CFAP74: variants seen among roughly 807,000 people sequenced by gnomAD.
CFAP74 encodes the protein cilia and flagella associated protein 74, also known as cilia- and flagella-associated protein 74.
In CFAP74, 124 loss-of-function variants were observed where a neutral mutation model predicts 188.9. The ratio of observed to expected loss-of-function variants is 0.66; its 90% CI spans 0.57 to 0.76. The LOEUF (loss-of-function observed/expected upper bound fraction) is 0.76. Among genes scored for constraint, CFAP74 ranks in the 30% least tolerant of loss-of-function variants. CFAP74 has a pLI of 0.00. For synonymous variants in CFAP74, 956 were observed against 916.7 expected (o/e 1.04, Z -0.77); for missense variants, 2,198 against 2,165.2 (o/e 1.02, Z -0.30).
Position 1,966,613 on chromosome 1 carries a change from C to T in CFAP74, c.1246-87G>A, listed in dbSNP as rs1377887395. 3.2e-6 allele frequency: 4 copies of T among 1,256,634 alleles called. No individual in the cohort carries two copies. In the African/African-American group the frequency reaches 4.6e-5, roughly 14 times the overall value. 77.8% of individuals were successfully genotyped at this position (1,256,634 alleles called of 1,614,324 possible). ...CTCGGCCCAGCCCCCGCCGGTATGG[C>T]CCGCTGCCTGCCCCCGTTCTTCTGC... On this transcript the variant is annotated intron_variant, in intron 11 of 38. Coordinates refer to ENST00000682832, the MANE Select transcript of CFAP74 (RefSeq NM_001304360.2).
rs371162803 is a variant in CFAP74 at position 1,924,478 on chromosome 1, G to T, written c.4147C>A (p.Leu1383Met). ...SLLPIKFSMHLDSLSSTRGRG... is the reference protein window; with the variant it reads ...SLLPIKFSMHMDSLSSTRGRG... ...CCCCGGGTGCTGGAGAGGCTGTCCAGGTGCATGGAGAACTTGATGGGGAGC... is the reference window on the plus strand; with the variant it reads ...CCCCGGGTGCTGGAGAGGCTGTCCATGTGCATGGAGAACTTGATGGGGAGC... Residue 1383 changes from leucine (L) to methionine (M), a missense_variant, in exon 34 of 39, where the codon CTG becomes ATG. Physicochemically the swap from Leu to Met is conservative, Grantham distance 15 (BLOSUM62 2). Coordinates refer to ENST00000682832, the MANE Select transcript of CFAP74 (RefSeq NM_001304360.2). 24 of 1,601,464 alleles carry T rather than the reference G, an allele frequency of 1.5e-5. No homozygotes were observed. The African/African-American group carries it at 2.9e-4, about 19-fold the overall frequency.
At chr1:1,930,855 G>A (rs548917636) in intron 25 of CFAP74, among the ~76,000 whole-genome samples, 2 of 152,262 alleles carry the variant, frequency 1.3e-5, no homozygotes, top group African/African-American at 4.8e-5. Flanking sequence ...AGGTGTCTAC[G>A]AGGCCTATTA....
chr1:1,974,265 T>C (rs372074643), intron 6 of CFAP74, 67 bp from the exon 7 acceptor site: 29 of 1,478,152 alleles, frequency 2.0e-5, no homozygotes, highest in African/African-American at 1.3e-4. Context: ...GGTTTCGGCA[T>C]TGAGTTCTGA....
chr1:1,966,597 G>A (rs1655492510), intron 11 of CFAP74, 71 bp from the exon 12 acceptor site: 5 of 1,345,442 alleles, frequency 3.7e-6, no homozygotes, highest in Non-Finnish European at 4.8e-6. Flanking sequence ...ACTCGGCCCA[G>A]CCCCCGCCGG....
intron 23 of CFAP74, 131 bp from the exon 24 acceptor site, chr1:1,939,898 G>A (rs16824543): frequency 0.084 from 75,997 of 900,940 alleles, 7,383 homozygotes; most frequent in African/African-American, 0.34. Context: ...CGACGAGGCC[G>A]TCTCTTCATA....
Position 1,963,797 on chromosome 1 carries a change from C to T in CFAP74, c.1646G>A (p.Cys549Tyr), listed in dbSNP as rs1655267595. ...GTGCTCCTCCACGCCCACCAGCTTG[C>T]AGTAGTTGATCGTGTAGGTGGTGTT... Reference protein sequence around the residue: ...LVNTTYTINYCKLVGVEEHLR... With the variant: ...LVNTTYTINYYKLVGVEEHLR... The change falls in exon 14 of 39, where the codon TGC becomes TAC. Residue 549 changes from cysteine to tyrosine, a missense_variant. Physicochemically the swap from Cys to Tyr is radical, Grantham distance 194. Transcript: ENST00000682832. 3 of 1,613,894 alleles carry T rather than the reference C, an allele frequency of 1.9e-6. No homozygotes were observed. In the African/African-American group the frequency reaches 4.0e-5, roughly 22 times the overall value.
intron 28 of CFAP74, 155 bp downstream of exon 28, chr1:1,927,452 A>C: frequency 1.4e-6 from 1 of 731,390 alleles, no homozygotes; most frequent in South Asian, 1.9e-5. Context: ...CCAGGAAGGC[A>C]GCACCTGGAT....
At chr1:1,944,225 C>T in intron 21 of CFAP74, 106 bp downstream of exon 21, 1 of 1,470,512 alleles carries the variant, frequency 6.8e-7, no homozygotes, top group East Asian at 2.5e-5. Flanking sequence ...GCGTGGGTCA[C>T]CCCGTGTGCG....
In CFAP74 at chr1:1,975,529, G is replaced by A. The variant is rs542639152; in HGVS notation, c.501-1331C>T. 2.6e-5 allele frequency among the ~76,000 whole-genome samples: 4 copies of A among 152,184 alleles called. No individual in the cohort carries two copies. Among genetic ancestry groups the A allele is most frequent in the South Asian group, 2.1e-4 (1 of 4,824 alleles). On this transcript the variant is annotated intron_variant, in intron 6 of 38. Transcript: ENST00000682832. The surrounding 1 kb of genome is among the most constrained non-coding windows in gnomAD (Gnocchi z 4.5). The stretch of plus-strand genomic sequence containing the variant: ...CGTACGCCCACTTGGTTTTGGCATC[G>A]AGGTTGTGTCACTGCATTTTAGAAA...
chr1:1,922,962 C>A (rs754090227), intron 37 of CFAP74, 23 bp downstream of exon 37: 5 of 1,556,052 alleles, frequency 3.2e-6, no homozygotes, highest in Non-Finnish European at 3.5e-6. Flanking sequence ...GCCTGGTGTC[C>A]CCAGGGGCAG....
chr1:1,976,517 A>C (rs1656454179), intron 6 of CFAP74, among the ~76,000 whole-genome samples: 1 of 151,632 alleles, frequency 6.6e-6, no homozygotes, highest in South Asian at 2.1e-4. Flanking sequence ...AGCCTGCAGA[A>C]CCCTGACCAA....
intron 9 of CFAP74, among the ~76,000 whole-genome samples, chr1:1,971,422 C>G (rs377209749): frequency 6.6e-6 from 1 of 151,894 alleles, no homozygotes; most frequent in African/African-American, 2.4e-5. Flanking sequence ...CACATGCACA[C>G]ACACATGCAA....
At chr1:1,946,653 C>G (rs1254262093) in intron 19 of CFAP74, among the ~76,000 whole-genome samples, 1 of 152,206 alleles carries the variant, frequency 6.6e-6, no homozygotes, top group African/African-American at 2.4e-5. Flanking sequence ...GCAGCCTGAA[C>G]TCCTCCACAT....
At chr1:1,955,104 C>T (rs574587929) in intron 18 of CFAP74, 12 of 1,084,678 alleles carry the variant, frequency 1.1e-5, no homozygotes, top group Admixed American at 8.6e-5. Context: ...TGTGGAGAAC[C>T]GGCCCAGCTC....
intron 11 of CFAP74, among the ~76,000 whole-genome samples, chr1:1,967,794 C>A (rs898740453): frequency 6.6e-6 from 1 of 152,198 alleles, no homozygotes; most frequent in Non-Finnish European, 1.5e-5. Flanking sequence ...CTACCCCACA[C>A]CTTTAGGGAA....
At chr1:1,984,180 G>C (rs1019558029) in intron 6 of CFAP74, 1 of 152,048 alleles carries the variant, frequency 6.6e-6, no homozygotes, top group Middle Eastern at 3.4e-3. Flanking sequence ...TTTTAGTAGA[G>C]ACAGGGTTTC....
At chr1:2,002,312 CTT>C (rs1491199886) in intron 1 of CFAP74, among the ~76,000 whole-genome samples, 10 of 151,422 alleles carry the variant, frequency 6.6e-5, no homozygotes, top group African/African-American at 1.2e-4. Context: ...TATTATTAAA[CTT>C]ATATAAACCT....
At chr1:1,930,496 C>T (rs577256015) in intron 25 of CFAP74, among the ~76,000 whole-genome samples, 160 bp from the exon 26 acceptor site, 4 of 152,324 alleles carry the variant, frequency 2.6e-5, no homozygotes, top group Non-Finnish European at 4.4e-5. Flanking sequence ...TGACAAGTTT[C>T]GAAAATACAG....
intron 25 of CFAP74, among the ~76,000 whole-genome samples, chr1:1,933,032 C>T (rs553115077): frequency 6.7e-6 from 1 of 149,910 alleles, no homozygotes; most frequent in East Asian, 2.0e-4. Context: ...ACTATAGGCG[C>T]CCGCCACCAT....
Sources: gnomAD v4.1 joint callset for allele counts (sites outside exome capture counted in the v4.1 genomes callset) on GRCh38, gnomAD v4.1.1 for gene constraint, Gnocchi (gnomAD v3.1) non-coding constraint, MANE v1.5 for transcripts, NCBI Gene and HGNC (gene_info 2026-07-23, HGNC 2026-07-21) for gene names.